CARMIL3: variants seen among roughly 807,000 people sequenced by gnomAD.
CARMIL3 encodes capping protein, Arp2/3 and myosin-I linker protein 3.
In CARMIL3, 88 loss-of-function variants were observed where a neutral mutation model predicts 180.8. The observed-to-expected ratio is 0.49, with a 90% CI of 0.41 to 0.58. CARMIL3 has a LOEUF of 0.58. Among genes scored for constraint, CARMIL3 ranks in the 20% least tolerant of loss-of-function variants. The pLI is 0.00. For missense variants in CARMIL3, 1,548 were observed against 1,787.0 expected (o/e 0.87, Z 2.41); for synonymous variants, 696 against 714.5 (o/e 0.97, Z 0.41).
rs1555336793 is a variant in CARMIL3 at position 24,069,193 on chromosome 14, G to A, written c.4039G>A (p.Ala1347Thr). 19 of 1,613,940 alleles carry A rather than the reference G, an allele frequency of 1.2e-5. No homozygotes were observed. The highest frequency in any genetic ancestry group is 1.6e-4 in the Middle Eastern group (1 of 6,084). The change falls in exon 39 of 40, where the codon GCA (alanine) becomes ACA (threonine). Residue 1347 changes from alanine (A) to threonine (T), a missense_variant. Around this residue, in one of 4 missense-constraint regions of CARMIL3, gnomAD observed 668 missense variants for 687.8 expected, o/e 0.97. Transcript: ENST00000342740. ...APLKPKRTRR[A>T]QSCDKLEPDR... ...CCTGAAGCCCAAGAGGACACGGCGG[G>A]CACAGTCCTGTGACAAGCTGGAACC...
rs777834451 is a variant in CARMIL3 at position 24,065,645 on chromosome 14, G to C, written c.3420G>C (p.Gly1140=). The change falls in exon 34 of 40, where the codon GGG becomes GGC. Residue 1140 remains glycine, a synonymous_variant. Coordinates refer to ENST00000342740, the MANE Select transcript of CARMIL3 (RefSeq NM_138360.4). ...RKMGTEGSEP[G]EGGPAPGTAQ... ...AGGGCACTGAGGGGTCAGAGCCAGG[G>C]GAGGGGGGCCCAGCCCCTGGGACAG... The C allele has an allele frequency of 6.2e-7, 1 of 1,613,326 alleles. No individual in the cohort carries two copies. Among genetic ancestry groups the C allele is most frequent in the African/African-American group, 1.3e-5 (1 of 75,002 alleles).
chr14:24,064,369 C>G, intron 32 of CARMIL3, 23 bp downstream of exon 32: 1 of 1,556,788 alleles, frequency 6.4e-7, no homozygotes, highest in South Asian at 1.1e-5. Context: ...AACACACTCC[C>G]ATTTTCAGCA....
In CARMIL3 at chr14:24,061,566, C is replaced by T. The variant is rs975292866; in HGVS notation, c.2374C>T (p.His792Tyr). 6.2e-7 allele frequency: 1 copy of T among 1,614,056 alleles called. No individual in the cohort carries two copies. The highest frequency in any genetic ancestry group is 8.5e-7 in the Non-Finnish European group (1 of 1,180,000). ...CPVAMRVAEG[H>Y]NKMLSNVAER... ...TGTGGCCATGCGGGTGGCCGAGGGA[C>T]ACAACAAGATGCTGAGCAATGTGGC... is the stretch of plus-strand genomic sequence containing the variant. Residue 792 changes from histidine (H) to tyrosine (Y), a missense_variant, in exon 27 of 40, where the codon CAC becomes TAC. By Grantham distance (83) the His-to-Tyr change is moderately conservative. This residue lies in a region of CARMIL3 where 297 missense variants were observed against 415.9 expected (regional missense o/e 0.71). Coordinates refer to ENST00000342740, the MANE Select transcript of CARMIL3 (RefSeq NM_138360.4). The surrounding 1 kb of genome is among the most constrained non-coding windows in gnomAD (Gnocchi z 4.1).
In CARMIL3 at chr14:24,055,128, G is replaced by A; in HGVS notation, c.523G>A (p.Val175Ile). 6.2e-7 allele frequency: 1 copy of A among 1,614,060 alleles called. No individual in the cohort carries two copies. Among genetic ancestry groups the A allele is most frequent in the Non-Finnish European group, 8.5e-7 (1 of 1,180,022 alleles). The change falls in exon 7 of 40, where the codon GTT becomes ATT. Residue 175 changes from valine to isoleucine, a missense_variant. Around this residue, in one of 4 missense-constraint regions of CARMIL3, gnomAD observed 578 missense variants for 666.5 expected, o/e 0.87. Transcript: ENST00000342740. ...CAATGGGCTACACTGCCGTGAGGAG[G>A]TTCAATGGGTATGTTGGGCAGGGAC... ...DYNGLHCREEVQWDVDTIYHA... is the reference protein window; with the variant it reads ...DYNGLHCREEIQWDVDTIYHA...
At position 24,061,798 on chromosome 14, in the gene CARMIL3, T is replaced by C; in HGVS notation, c.2480+126T>C. Reference sequence around the variant, plus strand: ...AATCTCCATTACAAGGATCAATCTTTAACCAAGTGCAACCTTGCTATTTAG... The same window carrying C: ...AATCTCCATTACAAGGATCAATCTTCAACCAAGTGCAACCTTGCTATTTAG... On this transcript the variant is annotated intron_variant, in intron 27 of 39. Coordinates refer to ENST00000342740, the MANE Select transcript of CARMIL3 (RefSeq NM_138360.4). The surrounding 1 kb of genome is among the most constrained non-coding windows in gnomAD (Gnocchi z 4.1). 1.8e-6 allele frequency: 2 copies of C among 1,093,216 alleles called. No individual in the cohort carries two copies. The highest frequency in any genetic ancestry group is 2.6e-6 in the Non-Finnish European group (2 of 778,456). The allele number at this position is 1,093,216 out of a possible 1,614,324, so 67.7% of individuals were successfully genotyped here.
chr14:24,062,143 C>G (rs1000063852), intron 27 of CARMIL3: 1 of 423,172 alleles, frequency 2.4e-6, no homozygotes, highest in Non-Finnish European at 4.3e-6. Context: ...CTCACAGTAG[C>G]AACTAGCAGG....
chr14:24,056,168 G>T, intron 10 of CARMIL3, 131 bp from the exon 11 acceptor site: 1 of 698,888 alleles, frequency 1.4e-6, no homozygotes. Context: ...CAGGCCCTGA[G>T]CTGTTCCCCT....
Position 24,061,772 on chromosome 14 carries a change from C to A in CARMIL3, c.2480+100C>A. ...TATCAGCAATGAATAATGAATGGCA[C>A]AATCTCCATTACAAGGATCAATCTT... On this transcript the variant is annotated intron_variant, in intron 27 of 39. Transcript: ENST00000342740. The surrounding 1 kb of genome is among the most constrained non-coding windows in gnomAD (Gnocchi z 4.1). 1 of 1,251,344 alleles carries A rather than the reference C, an allele frequency of 8.0e-7. No individual in the cohort carries two copies. Among genetic ancestry groups the A allele is most frequent in the Non-Finnish European group, 1.1e-6 (1 of 899,070 alleles). The allele number at this position is 1,251,344 out of a possible 1,614,324, so 77.5% of individuals were successfully genotyped here.
chr14:24,065,113 T>TCCCG lies in CARMIL3; in HGVS notation c.3239_3240insGCCC (p.Pro1082SerfsTer14). On this transcript the variant is annotated frameshift_variant, in exon 33 of 40. Transcript: ENST00000342740. LOFTEE classifies it high-confidence loss of function. ...GGGTCCCCTACCACTGGACTCCTCCTCCCTCCACCCCCACCCCCTCCCCCG... is the reference window on the plus strand; with the variant it reads ...GGGTCCCCTACCACTGGACTCCTCCTCCCGCCCTCCACCCCCACCCCCTCCCCCG... 7.0e-7 allele frequency: 1 copy of TCCCG among 1,435,694 alleles called. No homozygotes were observed. The highest frequency in any genetic ancestry group is 9.3e-7 in the Non-Finnish European group (1 of 1,070,214). The allele number at this position is 1,435,694 out of a possible 1,614,324, so 88.9% of individuals were successfully genotyped here.
chr14:24,065,690 C>T lies in CARMIL3; in HGVS notation c.3465C>T (p.His1155=), dbSNP rs201765775. The change falls in exon 34 of 40, where the codon CAC becomes CAT. Residue 1155 remains histidine, a synonymous_variant. Transcript: ENST00000342740. ...GGACAGCACAGCAGCCAAGGGTTCA[C>T]GGTGTTGCCCTTCCCGGGTTGGAAA... The part of the protein sequence containing the change: ...APGTAQQPRV[H]GVALPGLERA... 226 of 1,614,032 alleles carry T rather than the reference C, an allele frequency of 1.4e-4. 1 individual carries two copies. The East Asian group carries it at 3.9e-3, about 28-fold the overall frequency.
At chr14:24,053,555 G>A (rs1162114477) in intron 1 of CARMIL3, among the ~76,000 whole-genome samples, 154 bp from the exon 2 acceptor site, 1 of 152,222 alleles carries the variant, frequency 6.6e-6, no homozygotes, top group Non-Finnish European at 1.5e-5. Flanking sequence ...AGTCACCCAA[G>A]AAGGAATGCC....
intron 36 of CARMIL3, among the ~76,000 whole-genome samples, chr14:24,068,378 CAG>C (rs1332195732): frequency 6.1e-5 from 8 of 130,374 alleles, no homozygotes; most frequent in African/African-American, 2.4e-4. Context: ...GCCTGGGTGA[CAG>C]AGCAAAACTC....
At chr14:24,056,560 C>G in intron 11 of CARMIL3, 62 bp from the exon 12 acceptor site, 1 of 1,567,190 alleles carries the variant, frequency 6.4e-7, no homozygotes, top group Non-Finnish European at 8.8e-7. Flanking sequence ...CAACCTGACT[C>G]TGTGCCACCT....
In CARMIL3 at chr14:24,061,716, C is replaced by T. The variant is rs1426609826; in HGVS notation, c.2480+44C>T. The T allele has an allele frequency of 9.4e-6, 15 of 1,591,202 alleles. No homozygotes were observed. The highest frequency in any genetic ancestry group is 1.1e-5 in the Non-Finnish European group (13 of 1,166,020). On this transcript the variant is annotated intron_variant, in intron 27 of 39. Coordinates refer to ENST00000342740, the MANE Select transcript of CARMIL3 (RefSeq NM_138360.4). This position sits in a 1 kb window ranked among gnomAD's most constrained non-coding sequence, Gnocchi z 4.1. ...GGCTGGGGCTGAGCTGGATTTGGCC[C>T]AGATCACTTAGGGACTTAGGACTGG...
chr14:24,053,604 C>G (rs1184040537), intron 1 of CARMIL3, 105 bp from the exon 2 acceptor site: 1 of 777,180 alleles, frequency 1.3e-6, no homozygotes, highest in Non-Finnish European at 2.1e-6. Flanking sequence ...CTCTGTTTCT[C>G]TCTTATCCCA....
Position 24,055,562 on chromosome 14 carries a change from G to T in CARMIL3, c.625G>T (p.Ala209Ser). The T allele has an allele frequency of 1.2e-6, 2 of 1,614,098 alleles. No homozygotes were observed. The highest frequency in any genetic ancestry group is 8.5e-7 in the Non-Finnish European group (1 of 1,180,034). The change falls in exon 9 of 40, where the codon GCA becomes TCA. Residue 209 changes from alanine (A) to serine (S), a missense_variant. Coordinates refer to ENST00000342740, the MANE Select transcript of CARMIL3 (RefSeq NM_138360.4). ...CCACAGAGACTTGGCCCTAATGGTA[G>T]CAGCCCTGGCCTACAACCAGTGGTT... ...LESRDLALMV[A>S]ALAYNQWFTK...
chr14:24,066,787 T>C, intron 36 of CARMIL3, 131 bp downstream of exon 36: 1 of 905,408 alleles, frequency 1.1e-6, no homozygotes, highest in East Asian at 2.5e-5. Context: ...ACAGTGAAAA[T>C]GTTTAAGGAT....
In CARMIL3 at chr14:24,063,539, TC is replaced by T; in HGVS notation, c.2979+9del. ...CAGGACCTGGTCGACCCAGTGTGAG[TC>T]CCTAAGGCTTCACAAGAGGATCCCC... On this transcript the variant is annotated splice_region_variant and intron_variant, in intron 31 of 39. Coordinates refer to ENST00000342740, the MANE Select transcript of CARMIL3 (RefSeq NM_138360.4). 1.3e-6 allele frequency: 2 copies of T among 1,599,526 alleles called. No individual in the cohort carries two copies. The highest frequency in any genetic ancestry group is 1.7e-6 in the Non-Finnish European group (2 of 1,174,186).
chr14:24,065,500 C>A (rs1389036503), intron 33 of CARMIL3, 122 bp from the exon 34 acceptor site: 2 of 1,411,608 alleles, frequency 1.4e-6, no homozygotes, highest in Non-Finnish European at 1.9e-6. Flanking sequence ...TTCAGAGGGT[C>A]TCTGCAGGGC....
Sources: gnomAD v4.1 joint callset for allele counts (sites outside exome capture counted in the v4.1 genomes callset) on GRCh38, gnomAD v4.1.1 for gene constraint, gnomAD v4.1.1 regional missense constraint, Gnocchi (gnomAD v3.1) non-coding constraint, MANE v1.5 for transcripts, NCBI Gene and HGNC (gene_info 2026-07-23, HGNC 2026-07-21) for gene names.